The following TEX35 variants were observed in gnomAD, a reference collection of about 807,000 sequenced individuals.
The protein encoded by TEX35 is testis-expressed protein 35.
Under a neutral mutation model 31.9 loss-of-function variants are expected in TEX35, and 26 were observed. The ratio of observed to expected loss-of-function variants is 0.81; its 90% CI spans 0.60 to 1.13. TEX35 has a LOEUF of 1.13. Ranked by LOEUF, TEX35 falls within the 50% of genes most tolerant of loss-of-function variation. TEX35 has a pLI of 0.00. For missense variants in TEX35, 278 were observed against 273.5 expected (o/e 1.02, Z -0.12); for synonymous variants, 87 against 90.7 (o/e 0.96, Z 0.23).
At chr1:178,514,248 A>G in intron 2 of TEX35, 171 bp downstream of exon 2, 1 of 1,524,754 alleles carries the variant, frequency 6.6e-7, no homozygotes, top group Non-Finnish European at 8.8e-7. Context: ...CCAATCAGAT[A>G]CATAAACGAA....
intron 1 of TEX35, 139 bp downstream of exon 1, chr1:178,513,366 T>C: frequency 1.7e-6 from 2 of 1,154,414 alleles, no homozygotes; most frequent in Non-Finnish European, 2.5e-6. Flanking sequence ...TAAAGCAGCC[T>C]CTCAGTCTGG....
chr1:178,514,903 A>G, intron 3 of TEX35, 135 bp downstream of exon 3: 1 of 717,838 alleles, frequency 1.4e-6, no homozygotes, highest in African/African-American at 1.8e-5. Flanking sequence ...CAAAATCCAG[A>G]AGTTAACACA....
At chr1:178,521,601 G>C (rs969186944) in intron 8 of TEX35, 19 of 1,549,904 alleles carry the variant, frequency 1.2e-5, no homozygotes, top group Admixed American at 3.9e-5. Flanking sequence ...TTCACCCTTG[G>C]CTTCTGGAGC....
intron 5 of TEX35, among the ~76,000 whole-genome samples, chr1:178,518,534 A>G (rs939570433): frequency 1.1e-4 from 16 of 152,166 alleles, no homozygotes; most frequent in Non-Finnish European, 1.9e-4. Context: ...ATTAAAGACA[A>G]TGTTTAGAAA....
chr1:178,522,777 G>T, downstream of TEX35: 1 of 484,292 alleles, frequency 2.1e-6, no homozygotes, highest in Non-Finnish European at 2.8e-6. Context: ...TGGAGAATGG[G>T]GTATCCATCC....
intron 6 of TEX35, 66 bp from the exon 7 acceptor site, chr1:178,520,607 T>C (rs1435677168): frequency 6.3e-7 from 1 of 1,594,058 alleles, no homozygotes; most frequent in Non-Finnish European, 8.6e-7. Context: ...GTGTACTGGT[T>C]ATCTCCTTGT....
At position 178,514,626 on chromosome 1, in the gene TEX35, G is replaced by T. The variant is rs181849515; in HGVS notation, c.91-74G>T. On this transcript the variant is annotated intron_variant, in intron 2 of 8. Coordinates refer to ENST00000319416, the MANE Select transcript of TEX35 (RefSeq NM_032126.5). Reference sequence around the variant, plus strand: ...TAAGGGAGGAACAGAAACACAGGGGGATCTCTTCTGCCTCTGCACTTCCAC... The same window carrying T: ...TAAGGGAGGAACAGAAACACAGGGGTATCTCTTCTGCCTCTGCACTTCCAC... 24 of 1,426,036 alleles carry T rather than the reference G, an allele frequency of 1.7e-5. No individual in the cohort carries two copies. In the East Asian group the frequency reaches 5.1e-4, roughly 30 times the overall value. 88.3% of individuals were successfully genotyped at this position (1,426,036 alleles called of 1,614,324 possible). A position where few individuals can be genotyped will look rare whatever the true frequency, so the allele number is the denominator to read the frequency against.
At chr1:178,518,633 T>C (rs1041180474) in intron 5 of TEX35, among the ~76,000 whole-genome samples, 3 of 152,224 alleles carry the variant, frequency 2.0e-5, no homozygotes, top group African/African-American at 7.2e-5. Context: ...AGCAAATATA[T>C]AGAAAAAAGA....
intron 7 of TEX35, 31 bp downstream of exon 7, chr1:178,520,905 G>A (rs766243174): frequency 1.2e-6 from 2 of 1,612,134 alleles, no homozygotes; most frequent in Non-Finnish European, 1.7e-6. Flanking sequence ...GCCCAGCACT[G>A]GTGCCAGACC....
intron 4 of TEX35, 62 bp downstream of exon 4, chr1:178,515,977 C>A: frequency 7.5e-7 from 1 of 1,339,016 alleles, no homozygotes; most frequent in East Asian, 2.3e-5. Flanking sequence ...AAATGCAATC[C>A]TTAAGTTTGA....
At chr1:178,520,650 C>T in intron 6 of TEX35, 23 bp from the exon 7 acceptor site, 2 of 1,611,424 alleles carry the variant, frequency 1.2e-6, no homozygotes, top group Non-Finnish European at 1.7e-6. Context: ...ACTCTCTGCC[C>T]CTCCCTGGCC....
Position 178,522,484 on chromosome 1 carries a change from CAA to C in TEX35, c.*46_*47del. The C allele has an allele frequency of 6.5e-7, 1 of 1,539,538 alleles. No individual in the cohort carries two copies. The highest frequency in any genetic ancestry group is 8.8e-7 in the Non-Finnish European group (1 of 1,136,930). On this transcript the variant is annotated 3_prime_UTR_variant, in exon 9 of 9. Coordinates refer to ENST00000319416, the MANE Select transcript of TEX35 (RefSeq NM_032126.5). ...AAATGAGAGTAAAGAAGATACAGAG[CAA>C]ACAGTGTTTCAGAAACTGTCCTGCC...
intron 5 of TEX35, among the ~76,000 whole-genome samples, chr1:178,517,119 G>C (rs945833799): frequency 7.2e-5 from 11 of 152,214 alleles, no homozygotes; most frequent in African/African-American, 2.7e-4. Flanking sequence ...TTGTAGTTTA[G>C]ACAAGTTCCC....
chr1:178,514,114 C>A (rs1558036367), intron 2 of TEX35, 37 bp downstream of exon 2: 1 of 1,614,118 alleles, frequency 6.2e-7, no homozygotes, highest in Non-Finnish European at 8.5e-7. Flanking sequence ...GGCAGCCAGG[C>A]CTGAGATCCA....
In TEX35 at chr1:178,515,840, C is replaced by G; in HGVS notation, c.160-19C>G. The G allele has an allele frequency of 6.2e-7, 1 of 1,602,288 alleles. No homozygotes were observed. The highest frequency in any genetic ancestry group is 8.5e-7 in the Non-Finnish European group (1 of 1,171,458). On this transcript the variant is annotated intron_variant, in intron 3 of 8. Transcript: ENST00000319416. Reference sequence around the variant, plus strand: ...TAGATATTTCTTTCCTCCTTCTCTTCTCCATTTTATTTCCTCAGAATGAAC... The same window carrying G: ...TAGATATTTCTTTCCTCCTTCTCTTGTCCATTTTATTTCCTCAGAATGAAC...
chr1:178,516,777 G>A (rs914389173), intron 5 of TEX35, 103 bp downstream of exon 5: 11 of 694,382 alleles, frequency 1.6e-5, no homozygotes, highest in Non-Finnish European at 2.4e-5. Flanking sequence ...TCTACTAGTA[G>A]TCCCATATTC....
chr1:178,516,976 C>G (rs954723333), intron 5 of TEX35, among the ~76,000 whole-genome samples: 5 of 152,168 alleles, frequency 3.3e-5, no homozygotes, highest in African/African-American at 1.2e-4. Flanking sequence ...CAGTAAGATT[C>G]TTTTTTAACT....
At position 178,515,894 on chromosome 1, in the gene TEX35, G is replaced by A. The variant is rs775107816; in HGVS notation, c.195G>A (p.Glu65=). 7 of 1,612,786 alleles carry A rather than the reference G, an allele frequency of 4.3e-6. No individual in the cohort carries two copies. In the South Asian group the frequency reaches 7.7e-5, roughly 18 times the overall value. Residue 65 remains glutamate, a synonymous_variant, in exon 4 of 9, where the codon GAG becomes GAA. Coordinates refer to ENST00000319416, the MANE Select transcript of TEX35 (RefSeq NM_032126.5). ...GGGAAGTGAGAGAAGAGCTCAAGGAGAAAATGGAGGAGATAAAACAGGTAA... is the reference window on the plus strand; with the variant it reads ...GGGAAGTGAGAGAAGAGCTCAAGGAAAAAATGGAGGAGATAAAACAGGTAA... ...ELREVREELK[E]KMEEIKQIKD...
At chr1:178,513,582 T>A (rs1210889585) in intron 1 of TEX35, among the ~76,000 whole-genome samples, 4 of 152,230 alleles carry the variant, frequency 2.6e-5, no homozygotes, top group African/African-American at 9.6e-5. Context: ...AATATAATCA[T>A]CACGTCGATT....
Sources: gnomAD v4.1 joint callset for allele counts (sites outside exome capture counted in the v4.1 genomes callset) on GRCh38, gnomAD v4.1.1 for gene constraint, MANE v1.5 for transcripts, NCBI Gene and HGNC (gene_info 2026-07-23, HGNC 2026-07-21) for gene names.